The following CCBE1 variants were observed in gnomAD, a reference collection of about 807,000 sequenced individuals.
CCBE1 encodes the protein collagen and calcium-binding EGF domain-containing protein 1.
CCBE1 carries 37 observed loss-of-function variants against 50.0 expected under a neutral mutation model. That is an observed-to-expected ratio of 0.74 (90% CI 0.57 to 0.97). CCBE1 has a LOEUF of 0.97. Among genes scored for constraint, CCBE1 ranks in the 50% least tolerant of loss-of-function variants. The probability of loss-of-function intolerance (pLI) is 0.00; values close to 1 mark genes in which losing one functional copy is unlikely to be tolerated. For missense variants in CCBE1, 538 were observed against 523.8 expected (o/e 1.03, Z -0.26); for synonymous variants, 234 against 203.7 (o/e 1.15, Z -1.27).
At chr18:59,610,590 A>C (rs182092264) in intron 2 of CCBE1, among the ~76,000 whole-genome samples, 1 of 152,316 alleles carries the variant, frequency 6.6e-6, no homozygotes, top group Admixed American at 6.5e-5. Flanking sequence ...AGATTGTCTG[A>C]GTGCTCCTTT....
chr18:59,520,328 T>C (rs528007466), intron 2 of CCBE1, among the ~76,000 whole-genome samples: 2 of 152,340 alleles, frequency 1.3e-5, no homozygotes, highest in Non-Finnish European at 2.9e-5. Flanking sequence ...TTTCCATTTG[T>C]TTGTGTTCTT....
intron 3 of CCBE1, among the ~76,000 whole-genome samples, chr18:59,471,044 C>T (rs1912008936): frequency 6.6e-6 from 1 of 152,162 alleles, no homozygotes; most frequent in African/African-American, 2.4e-5. Context: ...TCTAGGCAGC[C>T]AAGGTTCTGT....
chr18:59,525,418 ATTT>A (rs766462526), intron 2 of CCBE1, among the ~76,000 whole-genome samples: 3 of 151,872 alleles, frequency 2.0e-5, no homozygotes, highest in Non-Finnish European at 4.4e-5. Flanking sequence ...TTTTAATTAG[ATTT>A]TTTTTCCTGT....
chr18:59,661,738 C>T (rs566847307), intron 2 of CCBE1, among the ~76,000 whole-genome samples: 8 of 152,238 alleles, frequency 5.3e-5, no homozygotes, highest in South Asian at 2.1e-4. Flanking sequence ...GAGCCCGAGG[C>T]GGGAGGATGA....
At chr18:59,635,017 T>A (rs2053897280) in intron 2 of CCBE1, among the ~76,000 whole-genome samples, 1 of 152,154 alleles carries the variant, frequency 6.6e-6, no homozygotes, top group Non-Finnish European at 1.5e-5. Flanking sequence ...ATGAAAAACA[T>A]AAATCTTCAG....
rs202079522 is a variant in CCBE1, at chr18:59,502,695, CA to C, written c.213-22458del. On this transcript the variant is annotated intron_variant, in intron 2 of 10. Transcript: ENST00000439986. ...ATCTAATTTCCTCCCCCTCCCCCCGCAAAAAAAAAGGCACAGCAGATACAAA... is the reference window on the plus strand; with the variant it reads ...ATCTAATTTCCTCCCCCTCCCCCCGCAAAAAAAAGGCACAGCAGATACAAA... Among the ~76,000 whole-genome samples the C allele has an allele frequency of 6.4e-3, 958 of 149,720 alleles. 3 individuals carry two copies. Among genetic ancestry groups the C allele is most frequent in the African/African-American group, 8.1e-3 (330 of 40,826 alleles).
intron 2 of CCBE1, among the ~76,000 whole-genome samples, chr18:59,578,215 G>T (rs2053028404): frequency 6.6e-6 from 1 of 152,188 alleles, no homozygotes; most frequent in Admixed American, 6.5e-5. Flanking sequence ...ATCATCACTG[G>T]TCATTAGAGA....
At chr18:59,512,505 C>G (rs1187131626) in intron 2 of CCBE1, among the ~76,000 whole-genome samples, 1 of 152,232 alleles carries the variant, frequency 6.6e-6, no homozygotes, top group Non-Finnish European at 1.5e-5. Context: ...GTTAGAAACC[C>G]CACTGCCCTC....
At chr18:59,570,864 G>A (rs574564445) in intron 2 of CCBE1, among the ~76,000 whole-genome samples, 4 of 152,300 alleles carry the variant, frequency 2.6e-5, no homozygotes, top group East Asian at 1.9e-4. Flanking sequence ...CACCAACCAG[G>A]ATGAAAATCG....
At chr18:59,440,682 T>C (rs1910382147) in intron 7 of CCBE1, among the ~76,000 whole-genome samples, 1 of 152,138 alleles carries the variant, frequency 6.6e-6, no homozygotes, top group Admixed American at 6.5e-5. Flanking sequence ...GTAGGAAATG[T>C]TCTTCTGGCT....
intron 2 of CCBE1, among the ~76,000 whole-genome samples, chr18:59,617,197 T>C (rs904591103): frequency 6.6e-6 from 1 of 152,210 alleles, no homozygotes; most frequent in African/African-American, 2.4e-5. Context: ...ATCATATGAT[T>C]TGGGGTTGAA....
chr18:59,636,613 C>T (rs1482850759), intron 2 of CCBE1, among the ~76,000 whole-genome samples: 1 of 152,176 alleles, frequency 6.6e-6, no homozygotes, highest in East Asian at 1.9e-4. Context: ...TAATGAGAGG[C>T]CTCTTTCAAG....
At chr18:59,457,758 C>G (rs1911265676) in intron 5 of CCBE1, among the ~76,000 whole-genome samples, 1 of 152,178 alleles carries the variant, frequency 6.6e-6, no homozygotes, top group African/African-American at 2.4e-5. Context: ...AATACCTTTT[C>G]CACAAATCAG....
intron 2 of CCBE1, among the ~76,000 whole-genome samples, chr18:59,607,224 T>C (rs185364398): frequency 1.3e-5 from 2 of 152,336 alleles, no homozygotes; most frequent in Admixed American, 6.5e-5. Context: ...TAATTTTGCA[T>C]GCTTTTGGCT....
At chr18:59,464,352 C>G (rs576827418) in intron 5 of CCBE1, among the ~76,000 whole-genome samples, 1 of 152,140 alleles carries the variant, frequency 6.6e-6, no homozygotes, top group East Asian at 1.9e-4. Flanking sequence ...CCCTTGAACC[C>G]GGGAGGCTGA....
chr18:59,491,827 C>CAAACAAACAAAG (rs1555683263), intron 2 of CCBE1, among the ~76,000 whole-genome samples: 2 of 133,450 alleles, frequency 1.5e-5, no homozygotes, highest in East Asian at 4.2e-4. Flanking sequence ...AACAAACAAA[C>CAAACAAACAAAG]AAACAAACAA....
chr18:59,515,927 T>C (rs1914349692), intron 2 of CCBE1, among the ~76,000 whole-genome samples: 1 of 152,188 alleles, frequency 6.6e-6, no homozygotes, highest in Admixed American at 6.5e-5. Context: ...GAACTGTGCT[T>C]GCCCTATTTT....
At chr18:59,595,874 G>A (rs542648980) in intron 2 of CCBE1, among the ~76,000 whole-genome samples, 1 of 152,318 alleles carries the variant, frequency 6.6e-6, no homozygotes, top group East Asian at 1.9e-4. Context: ...CTCTCCATCA[G>A]ATACTCCAAG....
chr18:59,600,797 G>A (rs2053418108), intron 2 of CCBE1, among the ~76,000 whole-genome samples: 1 of 152,090 alleles, frequency 6.6e-6, no homozygotes, highest in South Asian at 2.1e-4. Flanking sequence ...ATGTGGTCCT[G>A]ATTCTTCAGT....
Sources: gnomAD v4.1 joint callset for allele counts (sites outside exome capture counted in the v4.1 genomes callset) on GRCh38, gnomAD v4.1.1 for gene constraint, MANE v1.5 for transcripts, NCBI Gene and HGNC (gene_info 2026-07-23, HGNC 2026-07-21) for gene names.